The following GUCD1 variants were observed in gnomAD, a reference collection of about 807,000 sequenced individuals.
The protein encoded by GUCD1 is protein GUCD1.
In GUCD1, 17 loss-of-function variants were observed where a neutral mutation model predicts 28.3. The ratio of observed to expected loss-of-function variants is 0.60; its 90% CI spans 0.41 to 0.90. The LOEUF (loss-of-function observed/expected upper bound fraction) is 0.90, where lower values mean the gene tolerates loss of function less well. Ranked by LOEUF, GUCD1 falls within the 40% of genes least tolerant of loss-of-function variation. GUCD1 has a pLI of 0.00. For missense variants in GUCD1, 279 were observed against 305.5 expected, an observed-to-expected ratio of 0.91 and a Z score of 0.65; for synonymous variants, 129 against 123.3, an observed-to-expected ratio of 1.05 and a Z score of -0.30.
At chr22:24,544,509 AC>A (rs1286061468) in intron 4 of GUCD1, among the ~76,000 whole-genome samples, 3 of 152,208 alleles carry the variant, frequency 2.0e-5, no homozygotes, top group Non-Finnish European at 4.4e-5. Context: ...CATGGCTCAG[AC>A]ACTTTCAAAA....
upstream of GUCD1, chr22:24,555,452 G>T: frequency 8.9e-7 from 1 of 1,125,718 alleles, no homozygotes; most frequent in Non-Finnish European, 1.2e-6. Flanking sequence ...CCGCTCTTTT[G>T]CCAGTCCTAG....
rs1217998137 is a variant in GUCD1, at chr22:24,542,734, TC to T, written c.*271del. ...ACAAGGGCACTGTCGGGACTGGACT[TC>T]CTGTGGGCGCAGCTGGAGTCAAGGC... On this transcript the variant is annotated 3_prime_UTR_variant, in exon 6 of 6. Coordinates refer to ENST00000435822, the MANE Select transcript of GUCD1 (RefSeq NM_001284254.2). The T allele has an allele frequency of 1.2e-5, 5 of 430,864 alleles. No individual in the cohort carries two copies. The Admixed American group carries it at 1.8e-4, about 15-fold the overall frequency. The allele number at this position is 430,864 out of a possible 1,614,324, so 26.7% of individuals were successfully genotyped here.
chr22:24,544,020 C>G lies in GUCD1; in HGVS notation c.450G>C (p.Val150=). 3 of 1,614,036 alleles carry G rather than the reference C, an allele frequency of 1.9e-6. No individual in the cohort carries two copies. Among genetic ancestry groups the G allele is most frequent in the Non-Finnish European group, 2.5e-6 (3 of 1,179,976 alleles). Residue 150 remains valine (V), a synonymous_variant, in exon 5 of 6, where the codon GTG becomes GTC. Coordinates refer to ENST00000435822, the MANE Select transcript of GUCD1 (RefSeq NM_001284254.2). ...GGTCACAGTGCAGCACCCCCGAGTT[C>G]ACCAGCACGATGGCCACATGGCCCT... The part of the protein sequence containing the change: ...LAQGHVAIVL[V]NSGVLHCDLC...
chr22:24,544,120 C>T, intron 4 of GUCD1, 37 bp from the exon 5 acceptor site: 2 of 1,591,348 alleles, frequency 1.3e-6, no homozygotes, highest in Non-Finnish European at 8.6e-7. Flanking sequence ...TGCTGCTGGG[C>T]CCCCATTCCC....
In GUCD1 at chr22:24,549,089, C is replaced by T. The variant is rs979917674; in HGVS notation, c.44-88G>A. On this transcript the variant is annotated intron_variant, in intron 1 of 5. Transcript: ENST00000435822. ...GGGAGCCAGTGTCACTGCCTCCTGC[C>T]TAGACCCTGCAGGGGCTGCTCAGGG... 4.5e-6 allele frequency: 4 copies of T among 893,208 alleles called. No homozygotes were observed. In the African/African-American group the frequency reaches 6.6e-5, roughly 15 times the overall value. The allele number at this position is 893,208 out of a possible 1,614,324, so 55.3% of individuals were successfully genotyped here.
chr22:24,544,362 G>A (rs139357376), intron 4 of GUCD1, among the ~76,000 whole-genome samples: 1 of 152,052 alleles, frequency 6.6e-6, no homozygotes, highest in Admixed American at 6.6e-5. Context: ...GGTGGGTCCA[G>A]TCAAGGGCCA....
chr22:24,548,788 A>C (rs995007458), intron 2 of GUCD1, 129 bp downstream of exon 2: 2 of 660,914 alleles, frequency 3.0e-6, no homozygotes, highest in Non-Finnish European at 2.6e-6. Context: ...ACCAGGTAGA[A>C]GCTTGGCCTC....
intron 1 of GUCD1, among the ~76,000 whole-genome samples, chr22:24,553,113 T>C (rs894776454): frequency 1.3e-5 from 2 of 152,252 alleles, no homozygotes; most frequent in Non-Finnish European, 2.9e-5. Flanking sequence ...TCACGGTGAA[T>C]GCCTGCCTGT....
Position 24,548,040 on chromosome 22 carries a change from C to T in GUCD1, c.162G>A (p.Glu54=). Residue 54 remains glutamate, a synonymous_variant, in exon 3 of 6, where the codon GAG becomes GAA. Coordinates refer to ENST00000435822, the MANE Select transcript of GUCD1 (RefSeq NM_001284254.2). The part of the protein sequence containing the change: ...YLGQLDDSEF[E]RALQKLQLTR... ...TCAGCTGCAGCTTCTGCAGGGCTCT[C>T]TCAAACTCACTGTCGTCCAGCTGGC... 1 of 1,614,104 alleles carries T rather than the reference C, an allele frequency of 6.2e-7. No individual in the cohort carries two copies. The highest frequency in any genetic ancestry group is 8.5e-7 in the Non-Finnish European group (1 of 1,179,996).
upstream of GUCD1, chr22:24,555,563 T>C (rs2045037838): frequency 6.5e-7 from 1 of 1,538,214 alleles, no homozygotes; most frequent in Admixed American, 2.0e-5. Flanking sequence ...CTCTACTCTA[T>C]ACCTAACTTT....
chr22:24,543,321 A>C (rs743366), intron 5 of GUCD1, among the ~76,000 whole-genome samples: 109,218 of 152,052 alleles, frequency 0.72, 41,498 homozygotes, highest in East Asian at 0.85. Flanking sequence ...AGGCCCAGAG[A>C]GGGGCAGAAA....
At chr22:24,547,690 T>C (rs762284) in intron 3 of GUCD1, 427,390 of 546,432 alleles carry the variant, frequency 0.78, 170,865 homozygotes, top group Non-Finnish European at 0.84. Flanking sequence ...GACTCAGTAC[T>C]CAGATCCTCT....
chr22:24,549,069 C>G, intron 1 of GUCD1, 68 bp from the exon 2 acceptor site: 2 of 1,103,214 alleles, frequency 1.8e-6, no homozygotes, highest in South Asian at 1.4e-5. Flanking sequence ...CTCATGGGAG[C>G]CAGTGTCACT....
rs1253026643 is a variant in GUCD1 at position 24,542,827 on chromosome 22, G to A, written c.*179C>T. ...GGGGTGAGTGACATGACAACACACG[G>A]CACTGGCAGACAAAGCAGCTGTGCC... On this transcript the variant is annotated 3_prime_UTR_variant, in exon 6 of 6. Coordinates refer to ENST00000435822, the MANE Select transcript of GUCD1 (RefSeq NM_001284254.2). The A allele has an allele frequency of 5.2e-6, 3 of 579,222 alleles. No homozygotes were observed. The highest frequency in any genetic ancestry group is 9.4e-6 in the Non-Finnish European group (3 of 320,834). The allele number at this position is 579,222 out of a possible 1,614,324, so 35.9% of individuals were successfully genotyped here.
At chr22:24,543,678 G>A (rs955088519) in intron 5 of GUCD1, among the ~76,000 whole-genome samples, 164 bp downstream of exon 5, 4 of 152,046 alleles carry the variant, frequency 2.6e-5, no homozygotes, top group African/African-American at 9.7e-5. Flanking sequence ...TGGCCTGAGG[G>A]GTGGCCACAG....
At chr22:24,547,521 C>A (rs1300988373) in intron 3 of GUCD1, 7 of 207,832 alleles carry the variant, frequency 3.4e-5, no homozygotes, top group Non-Finnish European at 5.9e-5. Context: ...GCTGGCTCTC[C>A]TGGTGAAAAG....
At chr22:24,543,691 A>T in intron 5 of GUCD1, 151 bp downstream of exon 5, 1 of 1,023,284 alleles carries the variant, frequency 9.8e-7, no homozygotes, top group South Asian at 1.6e-5. Context: ...GGCCACAGTG[A>T]CAAGAGCCCA....
At chr22:24,551,275 C>T (rs762373374) in intron 1 of GUCD1, among the ~76,000 whole-genome samples, 6 of 152,150 alleles carry the variant, frequency 3.9e-5, no homozygotes, top group Non-Finnish European at 5.9e-5. Context: ...CAAAAGATAC[C>T]CAGGCCGTTC....
In GUCD1 at chr22:24,542,762, T is replaced by G; in HGVS notation, c.*244A>C. 2.2e-6 allele frequency: 1 copy of G among 463,760 alleles called. No homozygotes were observed. The highest frequency in any genetic ancestry group is 2.2e-5 in the South Asian group (1 of 44,536). The allele number at this position is 463,760 out of a possible 1,614,324, so 28.7% of individuals were successfully genotyped here. ...TGTGGGCGCAGCTGGAGTCAAGGCTTGGGGTCTTGGGGTATGCTTCCAGCA... is the reference window on the plus strand; with the variant it reads ...TGTGGGCGCAGCTGGAGTCAAGGCTGGGGGTCTTGGGGTATGCTTCCAGCA... On this transcript the variant is annotated 3_prime_UTR_variant, in exon 6 of 6. Transcript: ENST00000435822.
Sources: allele counts gnomAD v4.1 joint callset (sites outside exome capture counted in the v4.1 genomes callset), GRCh38; gene constraint gnomAD v4.1.1; transcripts MANE v1.5; gene names NCBI Gene and HGNC (gene_info 2026-07-23, HGNC 2026-07-21).